Variants in IGF2BP3 observed in about 807,000 individuals in gnomAD.
IGF2BP3 encodes insulin-like growth factor 2 mRNA-binding protein 3.
A neutral mutation model predicts 73.8 loss-of-function variants in IGF2BP3; 9 were observed. The observed-to-expected ratio is 0.12, with a 90% confidence interval of 0.07 to 0.21. IGF2BP3 has a LOEUF of 0.21. Ranked by LOEUF, IGF2BP3 falls within the 10% of genes least tolerant of loss-of-function variation. IGF2BP3 has a pLI of 1.00. For missense variants in IGF2BP3, 542 were observed against 714.0 expected, an observed-to-expected ratio of 0.76 and a Z score of 2.75; for synonymous variants, 258 against 256.7, an observed-to-expected ratio of 1.01 and a Z score of -0.05.
chr7:23,463,997 C>T (rs1788507444), intron 2 of IGF2BP3, among the ~76,000 whole-genome samples: 1 of 152,164 alleles, frequency 6.6e-6, no homozygotes, highest in Non-Finnish European at 1.5e-5. Context: ...GAGAAACTTT[C>T]CCGAATCGCA....
chr7:23,322,242 G>A (rs1441607237), intron 10 of IGF2BP3, among the ~76,000 whole-genome samples: 1 of 152,208 alleles, frequency 6.6e-6, no homozygotes, highest in African/African-American at 2.4e-5. Context: ...TGATGGAGCT[G>A]AAAACCAAGG....
rs1784645154 is a variant in IGF2BP3, at chr7:23,339,091, G to A, written c.1203+2973C>T. ...GTTACATCTTTGCAGCTCTTGCCCT[G>A]TGGCAGTGTTTTTACTGTTGGCAGC... On this transcript the variant is annotated intron_variant, in intron 10 of 14. Transcript: ENST00000258729. 1.3e-5 allele frequency among the ~76,000 whole-genome samples: 2 copies of A among 152,222 alleles called. 1 individual carries two copies. The highest frequency in any genetic ancestry group is 1.3e-4 in the Admixed American group (2 of 15,286).
chr7:23,444,742 CAAAAAAAAAAAA>C (rs56029431), intron 2 of IGF2BP3, among the ~76,000 whole-genome samples: 1 of 82,888 alleles, frequency 1.2e-5, no homozygotes, highest in East Asian at 5.2e-4. Flanking sequence ...GACTCTGTCT[CAAAAAAAAAAAA>C]AAAAAAAAAA....
intron 3 of IGF2BP3, among the ~76,000 whole-genome samples, chr7:23,410,028 G>T (rs1024295392): frequency 3.9e-5 from 6 of 152,106 alleles, no homozygotes; most frequent in African/African-American, 1.4e-4. Flanking sequence ...AATTAGCCAG[G>T]CATGTTGGTG....
chr7:23,320,301 CT>C (rs1397683753), intron 10 of IGF2BP3, among the ~76,000 whole-genome samples: 1 of 152,008 alleles, frequency 6.6e-6, no homozygotes, highest in African/African-American at 2.4e-5. Flanking sequence ...ATCTATGTAC[CT>C]CATTCCTTCA....
intron 10 of IGF2BP3, among the ~76,000 whole-genome samples, chr7:23,330,424 C>T (rs759716731): frequency 5.9e-4 from 90 of 151,588 alleles, no homozygotes; most frequent in Non-Finnish European, 1.1e-3. Flanking sequence ...AACTGTCACT[C>T]GAGGGGCTGC....
chr7:23,433,228 A>T (rs748666232), intron 2 of IGF2BP3, among the ~76,000 whole-genome samples: 2 of 151,674 alleles, frequency 1.3e-5, no homozygotes, highest in African/African-American at 4.9e-5. Flanking sequence ...TATAAATATC[A>T]TTATATTTTT....
intron 3 of IGF2BP3, among the ~76,000 whole-genome samples, chr7:23,405,304 A>T (rs537026052): frequency 6.6e-6 from 1 of 152,362 alleles, no homozygotes; most frequent in Non-Finnish European, 1.5e-5. Flanking sequence ...CACTGAAAGC[A>T]GTTAAAAAAT....
chr7:23,384,659 G>A (rs1786025492), intron 3 of IGF2BP3, among the ~76,000 whole-genome samples: 1 of 152,154 alleles, frequency 6.6e-6, no homozygotes, highest in Non-Finnish European at 1.5e-5. Flanking sequence ...GGGAGGCAGA[G>A]GCAGGCAGGT....
intron 10 of IGF2BP3, among the ~76,000 whole-genome samples, chr7:23,327,093 A>T (rs186750990): frequency 5.3e-5 from 8 of 152,036 alleles, no homozygotes; most frequent in Admixed American, 2.6e-4. Context: ...TTAATTAATT[A>T]AAAAAGAAGA....
chr7:23,421,430 C>T (rs1418366337), intron 2 of IGF2BP3, among the ~76,000 whole-genome samples: 1 of 152,166 alleles, frequency 6.6e-6, no homozygotes, highest in Middle Eastern at 3.4e-3. Context: ...CAGTGGCTCA[C>T]ACCTGTGATC....
intron 3 of IGF2BP3, among the ~76,000 whole-genome samples, chr7:23,369,423 C>T: frequency 6.6e-6 from 1 of 152,134 alleles, no homozygotes; most frequent in Non-Finnish European, 1.5e-5. Flanking sequence ...ATGTCCCAGC[C>T]CCCAGCTGGG....
At chr7:23,315,077 A>G (rs1289944175) in intron 12 of IGF2BP3, among the ~76,000 whole-genome samples, 1 of 151,268 alleles carries the variant, frequency 6.6e-6, no homozygotes, top group African/African-American at 2.4e-5. Flanking sequence ...TGTTGGGATT[A>G]TGGGCATGAG....
In IGF2BP3 at chr7:23,330,860, C is replaced by T. The variant is rs1028888753; in HGVS notation, c.1203+11204G>A. 2.6e-5 allele frequency among the ~76,000 whole-genome samples: 4 copies of T among 152,208 alleles called. No individual in the cohort carries two copies. In the South Asian group the frequency reaches 6.2e-4, roughly 24 times the overall value. On this transcript the variant is annotated intron_variant, in intron 10 of 14. Transcript: ENST00000258729. Reference sequence around the variant, plus strand: ...AGGCTGGAGTGCAGTGGCACAATCTCGGCTCACTGCAACTGCAACCTCCGC... The same window carrying T: ...AGGCTGGAGTGCAGTGGCACAATCTTGGCTCACTGCAACTGCAACCTCCGC...
intron 10 of IGF2BP3, among the ~76,000 whole-genome samples, chr7:23,330,723 G>A (rs1352415267): frequency 6.6e-6 from 1 of 151,582 alleles, no homozygotes; most frequent in Non-Finnish European, 1.5e-5. Context: ...GAATTACTCA[G>A]GTAGTTCTTT....
intron 2 of IGF2BP3, among the ~76,000 whole-genome samples, chr7:23,443,652 T>G (rs1361562618): frequency 6.6e-6 from 1 of 151,444 alleles, no homozygotes; most frequent in African/African-American, 2.4e-5. Flanking sequence ...CAGCCTGGGC[T>G]ACAGAGTGAG....
At chr7:23,408,014 T>C (rs2128529473) in intron 3 of IGF2BP3, among the ~76,000 whole-genome samples, 1 of 148,814 alleles carries the variant, frequency 6.7e-6, no homozygotes, top group East Asian at 2.0e-4. Flanking sequence ...TACATGATAA[T>C]ATCAATTCAT....
chr7:23,398,494 A>T (rs376360657), intron 3 of IGF2BP3, among the ~76,000 whole-genome samples: 1,582 of 152,232 alleles, frequency 0.01, 24 homozygotes, highest in East Asian at 0.08. Context: ...CCACACTGAC[A>T]TCCACAATGG....
chr7:23,333,230 T>C (rs75329491), intron 10 of IGF2BP3, among the ~76,000 whole-genome samples: 2,647 of 152,312 alleles, frequency 0.017, 79 homozygotes, highest in African/African-American at 0.055. Context: ...GCTAATTTTT[T>C]AAAAAGTTAG....
Sources: gnomAD v4.1 joint callset for allele counts (sites outside exome capture counted in the v4.1 genomes callset) on GRCh38, gnomAD v4.1.1 for gene constraint, MANE v1.5 for transcripts, NCBI Gene and HGNC (gene_info 2026-07-23, HGNC 2026-07-21) for gene names.